The following PRELID2 variants were observed in gnomAD, a reference collection of about 807,000 sequenced individuals.
PRELID2 encodes PRELI domain-containing protein 2.
In PRELID2, 25 loss-of-function variants were observed where a neutral mutation model predicts 28.4. The ratio of observed to expected loss-of-function variants is 0.88; its 90% CI spans 0.64 to 1.23. The LOEUF (loss-of-function observed/expected upper bound fraction) is 1.23. Ranked by LOEUF, PRELID2 falls within the 50% of genes most tolerant of loss-of-function variation. The pLI, the probability that PRELID2 is intolerant of heterozygous loss-of-function variation, is 0.00. For synonymous variants in PRELID2, 76 were observed against 71.6 expected, an observed-to-expected ratio of 1.06 and a Z score of -0.31; for missense variants, 201 against 214.4, an observed-to-expected ratio of 0.94 and a Z score of 0.39.
At chr5:145,832,881 C>G (rs974865725) in intron 1 of PRELID2, among the ~76,000 whole-genome samples, 6 of 152,150 alleles carry the variant, frequency 3.9e-5, no homozygotes, top group Admixed American at 3.3e-4. Context: ...TTCAGGAAAG[C>G]CTTTCCTAAA....
At chr5:145,605,518 T>C (rs1483172471) in intron 1 of PRELID2, among the ~76,000 whole-genome samples, 1 of 152,096 alleles carries the variant, frequency 6.6e-6, no homozygotes, top group Non-Finnish European at 1.5e-5. Context: ...CCGTATTCTG[T>C]TCTATTGGTC....
At chr5:145,645,852 T>C (rs1211920199) in intron 1 of PRELID2, among the ~76,000 whole-genome samples, 1 of 152,216 alleles carries the variant, frequency 6.6e-6, no homozygotes, top group Non-Finnish European at 1.5e-5. Context: ...GAATGTTGAA[T>C]ATTGGCCCCA....
At chr5:145,465,957 C>A in the PRELID2 span, among the ~76,000 whole-genome samples, 1 of 152,096 alleles carries the variant, frequency 6.6e-6, no homozygotes, top group Non-Finnish European at 1.5e-5. Context: ...TTCTGACAAT[C>A]TGACCATCAT....
chr5:145,360,974 A>T, the PRELID2 span, among the ~76,000 whole-genome samples: 3 of 152,194 alleles, frequency 2.0e-5, no homozygotes, highest in African/African-American at 4.8e-5. Flanking sequence ...CAAGCAGATG[A>T]TTCTACCTCA....
intron 1 of PRELID2, among the ~76,000 whole-genome samples, chr5:145,486,143 G>C (rs1752215631): frequency 6.6e-6 from 1 of 152,166 alleles, no homozygotes; most frequent in Non-Finnish European, 1.5e-5. Flanking sequence ...CTTCACTATA[G>C]GGGGATAGAG....
intron 1 of PRELID2, among the ~76,000 whole-genome samples, chr5:145,672,211 C>A (rs942277713): frequency 6.6e-6 from 1 of 152,078 alleles, no homozygotes; most frequent in South Asian, 2.1e-4. Context: ...AAAAGCTAGT[C>A]TGGAATGATA....
At chr5:145,569,332 A>G (rs1205588436) in intron 1 of PRELID2, among the ~76,000 whole-genome samples, 2 of 152,182 alleles carry the variant, frequency 1.3e-5, no homozygotes, top group Non-Finnish European at 2.9e-5. Flanking sequence ...AACTTAAACT[A>G]TTTTTAATGT....
the PRELID2 span, among the ~76,000 whole-genome samples, chr5:145,275,803 T>C: frequency 6.6e-6 from 1 of 152,142 alleles, no homozygotes; most frequent in Non-Finnish European, 1.5e-5. Context: ...ACTTTATGGA[T>C]TAGTTAATCC....
chr5:145,768,616 A>C (rs338895), intron 5 of PRELID2, among the ~76,000 whole-genome samples: 114,758 of 152,092 alleles, frequency 0.75, 45,285 homozygotes, highest in East Asian at 0.92. Context: ...GTAGAGCATA[A>C]ATCCAGACGG....
intron 5 of PRELID2, among the ~76,000 whole-genome samples, chr5:145,775,510 G>C (rs1369589504): frequency 3.3e-5 from 5 of 152,166 alleles, no homozygotes; most frequent in Non-Finnish European, 1.5e-5. Flanking sequence ...CCCCATGTAT[G>C]CAAATGAATT....
At chr5:145,233,716 C>A in the PRELID2 span, among the ~76,000 whole-genome samples, 3 of 152,250 alleles carry the variant, frequency 2.0e-5, 1 homozygote, top group Admixed American at 2.0e-4. Flanking sequence ...CAGTAAACAT[C>A]GTTTCTATTG....
chr5:145,740,062 G>A (rs1320148615), intron 1 of PRELID2, among the ~76,000 whole-genome samples: 23 of 150,538 alleles, frequency 1.5e-4, no homozygotes, highest in African/African-American at 5.1e-4. Context: ...TAAAAACCAT[G>A]ACTCAATCAT....
At position 145,774,910 on chromosome 5, in the gene PRELID2, G is replaced by A. The variant is rs78506901; in HGVS notation, c.475-9910C>T. Among the ~76,000 whole-genome samples the A allele has an allele frequency of 9.3e-3, 1,422 of 152,156 alleles. 25 individuals carry two copies. The highest frequency in any genetic ancestry group is 0.033 in the African/African-American group (1,364 of 41,496). Reference sequence around the variant, plus strand: ...ACATAAGAAAAATGAAGTTCAGCTCGGTTAAAAAAGGTGACCAAAGACACT... The same window carrying A: ...ACATAAGAAAAATGAAGTTCAGCTCAGTTAAAAAAGGTGACCAAAGACACT... On this transcript the variant is annotated intron_variant, in intron 5 of 6. Transcript: ENST00000683046.
chr5:145,349,270 T>A, the PRELID2 span, among the ~76,000 whole-genome samples: 1 of 152,182 alleles, frequency 6.6e-6, no homozygotes, highest in African/African-American at 2.4e-5. Flanking sequence ...GTAAATGTCT[T>A]CTAAAGAATT....
intron 1 of PRELID2, among the ~76,000 whole-genome samples, chr5:145,506,951 T>A (rs1206076164): frequency 6.6e-6 from 1 of 152,186 alleles, no homozygotes; most frequent in Non-Finnish European, 1.5e-5. Flanking sequence ...ATGCATAAAT[T>A]TCAATTAACT....
At chr5:145,444,689 T>A in the PRELID2 span, among the ~76,000 whole-genome samples, 1 of 152,014 alleles carries the variant, frequency 6.6e-6, no homozygotes, top group Admixed American at 6.6e-5. Context: ...GATATTTAGC[T>A]AATGATATAC....
intron 1 of PRELID2, among the ~76,000 whole-genome samples, chr5:145,526,981 C>T (rs1377526403): frequency 6.6e-6 from 1 of 152,086 alleles, no homozygotes. Context: ...TGAACAATGT[C>T]AAGGATGAAA....
At chr5:145,743,605 C>CT (rs1337393666) in intron 1 of PRELID2, among the ~76,000 whole-genome samples, 1 of 151,178 alleles carries the variant, frequency 6.6e-6, no homozygotes, top group African/African-American at 2.4e-5. Flanking sequence ...GAATCCCCAC[C>CT]CCCCAGCCAA....
In PRELID2 at chr5:145,687,975, A is replaced by AT. The variant is rs1462971435; in HGVS notation, n.70+76955dup. On this transcript the variant is annotated intron_variant and non_coding_transcript_variant, in intron 1 of 2. Coordinates refer to the PRELID2 transcript ENST00000510259. ...CAGACTCCCAAGTCTTTGTTTCTTCATTGCATGGTGCAGCCTCAGAAAAGC... is the reference window on the plus strand; with the variant it reads ...CAGACTCCCAAGTCTTTGTTTCTTCATTTGCATGGTGCAGCCTCAGAAAAGC... Among the ~76,000 whole-genome samples the AT allele has an allele frequency of 1.6e-4, 25 of 152,232 alleles. 1 individual carries two copies. Among genetic ancestry groups the AT allele is most frequent in the Admixed American group, 1.6e-3 (25 of 15,280 alleles).
Sources: allele counts gnomAD v4.1 joint callset (sites outside exome capture counted in the v4.1 genomes callset), GRCh38; gene constraint gnomAD v4.1.1; transcripts MANE v1.5; gene names NCBI Gene and HGNC (gene_info 2026-07-23, HGNC 2026-07-21).